UBE2E2: variants seen among roughly 807,000 people sequenced by gnomAD.
UBE2E2 encodes the protein ubiquitin-conjugating enzyme E2 E2.
In UBE2E2, 6 loss-of-function variants were observed where a neutral mutation model predicts 24.7. The ratio of observed to expected loss-of-function variants is 0.24; its 90% CI spans 0.13 to 0.48. UBE2E2 has a LOEUF of 0.48. Among genes scored for constraint, UBE2E2 ranks in the 20% least tolerant of loss-of-function variants. UBE2E2 has a pLI of 0.99. For synonymous variants in UBE2E2, 104 were observed against 83.6 expected (o/e 1.24, Z -1.33); for missense variants, 169 against 245.0 (o/e 0.69, Z 2.07).
At chr3:23,420,675 T>C (rs560310066) in intron 3 of UBE2E2, among the ~76,000 whole-genome samples, 2 of 152,344 alleles carry the variant, frequency 1.3e-5, no homozygotes, top group African/African-American at 2.4e-5. Context: ...CCAGAACCAC[T>C]TGTAAAGAGG....
chr3:23,467,666 ACCC>A, intron 3 of UBE2E2, among the ~76,000 whole-genome samples: 1 of 152,138 alleles, frequency 6.6e-6, no homozygotes. Context: ...TGGTTATGTA[ACCC>A]CACCATTTAT....
At position 23,208,816 on chromosome 3, in the gene UBE2E2, G is replaced by A. The variant is rs772905000; in HGVS notation, c.117G>A (p.Lys39=). Residue 39 remains lysine (K), a synonymous_variant, in exon 2 of 6, where the codon AAG becomes AAA. Transcript: ENST00000396703. Reference sequence around the variant, plus strand: ...CAGAAAGAGAACAAGTTCAGCCCAAGAAAAAGGAGGGAAAAATATCCAGCA... The same window carrying A: ...CAGAAAGAGAACAAGTTCAGCCCAAAAAAAAGGAGGGAAAAATATCCAGCA... ...QEPEREQVQP[K]KKEGKISSKT... 3.1e-6 allele frequency: 5 copies of A among 1,613,292 alleles called. No homozygotes were observed. The South Asian group carries it at 5.5e-5, about 18-fold the overall frequency.
At chr3:23,384,414 C>A (rs1302437799) in intron 3 of UBE2E2, among the ~76,000 whole-genome samples, 1 of 152,130 alleles carries the variant, frequency 6.6e-6, no homozygotes, top group East Asian at 1.9e-4. Flanking sequence ...TCTTGCCACC[C>A]CAGCCTTCAA....
chr3:23,480,795 G>T (rs1294306807), intron 3 of UBE2E2, among the ~76,000 whole-genome samples: 1 of 152,148 alleles, frequency 6.6e-6, no homozygotes, highest in African/African-American at 2.4e-5. Context: ...TTTTTGAACA[G>T]AAATAGAGGA....
chr3:23,501,484 C>T (rs1469355865), intron 4 of UBE2E2, among the ~76,000 whole-genome samples: 3 of 152,090 alleles, frequency 2.0e-5, no homozygotes, highest in African/African-American at 4.8e-5. Flanking sequence ...AGAGGTTTTC[C>T]AAGAGTGTAC....
At chr3:23,514,053 A>G (rs182280417) in intron 4 of UBE2E2, among the ~76,000 whole-genome samples, 2 of 152,348 alleles carry the variant, frequency 1.3e-5, no homozygotes, top group East Asian at 3.9e-4. Context: ...TCTTTGTCTT[A>G]CAAGGCCCTA....
Position 23,353,893 on chromosome 3 carries a change from G to A in UBE2E2, c.227+136581G>A, listed in dbSNP as rs576697979. ...CAGAATTGGAAAACACTACTTTAAA[G>A]TTCATATGGAACCAAAAAAGAGCCT... On this transcript the variant is annotated intron_variant, in intron 3 of 5. Transcript: ENST00000396703. 3.9e-5 allele frequency among the ~76,000 whole-genome samples: 6 copies of A among 151,944 alleles called. No homozygotes were observed. In the East Asian group the frequency reaches 1.2e-3, roughly 29 times the overall value.
At chr3:23,587,783 G>A (rs958953548) in intron 5 of UBE2E2, among the ~76,000 whole-genome samples, 1 of 152,212 alleles carries the variant, frequency 6.6e-6, no homozygotes, top group Non-Finnish European at 1.5e-5. Context: ...GTTGAATCTT[G>A]ACTGGACTGG....
intron 3 of UBE2E2, among the ~76,000 whole-genome samples, chr3:23,404,650 A>T (rs1276467964): frequency 3.9e-5 from 6 of 152,220 alleles, no homozygotes; most frequent in Admixed American, 3.9e-4. Flanking sequence ...ATAGCAACAC[A>T]AAGTACCTTC....
rs117141993 is a variant in UBE2E2, at chr3:23,412,473, T to C, written c.228-87135T>C. On this transcript the variant is annotated intron_variant, in intron 3 of 5. Coordinates refer to ENST00000396703, the MANE Select transcript of UBE2E2 (RefSeq NM_152653.4). ...CTAAGCATTTTTGAAGAGCTAAAAC[T>C]ATTGAGCCACTCTTTGTGAAGTTAG... Among the ~76,000 whole-genome samples the C allele has an allele frequency of 3.0e-4, 46 of 152,300 alleles. No individual in the cohort carries two copies. In the East Asian group the frequency reaches 8.5e-3, roughly 28 times the overall value.
chr3:23,331,059 T>C (rs572189986), intron 3 of UBE2E2, among the ~76,000 whole-genome samples: 1 of 152,224 alleles, frequency 6.6e-6, no homozygotes, highest in Admixed American at 6.5e-5. Context: ...TTTCAACCTA[T>C]TTATGTATTA....
intron 3 of UBE2E2, among the ~76,000 whole-genome samples, chr3:23,277,872 C>G (rs1019405104): frequency 6.6e-6 from 1 of 152,058 alleles, no homozygotes; most frequent in Non-Finnish European, 1.5e-5. Flanking sequence ...GCTTTGAGGA[C>G]TGATTTCTAG....
chr3:23,351,581 A>G (rs1204602986), intron 3 of UBE2E2, among the ~76,000 whole-genome samples: 3 of 152,206 alleles, frequency 2.0e-5, no homozygotes, highest in Non-Finnish European at 2.9e-5. Context: ...AGGGGTTGCA[A>G]TCCTAGTCTC....
At chr3:23,206,211 A>G (rs1696141991) in intron 1 of UBE2E2, among the ~76,000 whole-genome samples, 1 of 151,846 alleles carries the variant, frequency 6.6e-6, no homozygotes, top group Non-Finnish European at 1.5e-5. Context: ...TCTCTTTTTC[A>G]CTCTCATGCA....
intron 3 of UBE2E2, among the ~76,000 whole-genome samples, chr3:23,361,214 T>C (rs1030333968): frequency 2.0e-5 from 3 of 152,136 alleles, no homozygotes; most frequent in Non-Finnish European, 2.9e-5. Context: ...AGGGAGTCCT[T>C]TTATACTGCT....
At chr3:23,377,899 G>C (rs1038780241) in intron 3 of UBE2E2, among the ~76,000 whole-genome samples, 1 of 152,072 alleles carries the variant, frequency 6.6e-6, no homozygotes, top group Non-Finnish European at 1.5e-5. Flanking sequence ...TTATGTACAT[G>C]TGTATTGCCA....
At chr3:23,445,601 T>A (rs777854450) in intron 3 of UBE2E2, among the ~76,000 whole-genome samples, 31 of 152,258 alleles carry the variant, frequency 2.0e-4, no homozygotes, top group Non-Finnish European at 3.4e-4. Context: ...CATATTTGGC[T>A]AGATCGGAAA....
At chr3:23,559,842 A>AT (rs1330370073) in intron 5 of UBE2E2, among the ~76,000 whole-genome samples, 1 of 152,100 alleles carries the variant, frequency 6.6e-6, no homozygotes, top group Non-Finnish European at 1.5e-5. Context: ...TTTATTACTG[A>AT]TTTTTTAATG....
In UBE2E2 at chr3:23,253,979, A is replaced by AT. The variant is rs1426075220; in HGVS notation, c.227+36671dup. Among the ~76,000 whole-genome samples the AT allele has an allele frequency of 6.5e-4, 99 of 152,204 alleles. 1 individual carries two copies. Among genetic ancestry groups the AT allele is most frequent in the Non-Finnish European group, 2.1e-4 (14 of 68,032 alleles). On this transcript the variant is annotated intron_variant, in intron 3 of 5. Coordinates refer to ENST00000396703, the MANE Select transcript of UBE2E2 (RefSeq NM_152653.4). ...TTTAAAATTTAAATTTAGATTTGTGATTTTAAGAAAATTTAGTTCTAGCTC... is the reference window on the plus strand; with the variant it reads ...TTTAAAATTTAAATTTAGATTTGTGATTTTTAAGAAAATTTAGTTCTAGCTC...
Sources: allele counts gnomAD v4.1 joint callset (sites outside exome capture counted in the v4.1 genomes callset), GRCh38; gene constraint gnomAD v4.1.1; transcripts MANE v1.5; gene names NCBI Gene and HGNC (gene_info 2026-07-23, HGNC 2026-07-21).